The following TNKS2 variants were observed in gnomAD, a reference collection of about 807,000 sequenced individuals.
The protein encoded by TNKS2 is tankyrase 2, also known as poly [ADP-ribose] polymerase tankyrase-2.
TNKS2 carries 72 observed loss-of-function variants against 137.6 expected under a neutral mutation model. The observed-to-expected ratio is 0.52, with a 90% CI of 0.43 to 0.64. The LOEUF (loss-of-function observed/expected upper bound fraction) is 0.64, where lower values mean the gene tolerates loss of function less well. TNKS2 is among the 30% of genes least tolerant of loss of function. The pLI is 0.00. For missense variants in TNKS2, 1,049 were observed against 1,410.2 expected (o/e 0.74, Z 4.10); for synonymous variants, 516 against 512.1 (o/e 1.01, Z -0.10).
intron 1 of TNKS2, among the ~76,000 whole-genome samples, chr10:91,804,603 C>T (rs1844267423): frequency 6.6e-6 from 1 of 152,170 alleles, no homozygotes; most frequent in South Asian, 2.1e-4. Flanking sequence ...TCATGTTCTA[C>T]CTGGCCAGTG....
chr10:91,836,034 A>ATT (rs777452772), intron 12 of TNKS2, among the ~76,000 whole-genome samples: 1,128 of 53,528 alleles, frequency 0.021, 188 homozygotes, highest in African/African-American at 0.082. Context: ...TGTGTGTGTA[A>ATT]TTTTTTTTTT....
At chr10:91,840,365 G>A (rs1395347348) in intron 13 of TNKS2, among the ~76,000 whole-genome samples, 196 bp from the exon 14 acceptor site, 2 of 151,918 alleles carry the variant, frequency 1.3e-5, no homozygotes, top group Non-Finnish European at 2.9e-5. Flanking sequence ...CAAAAAAAAA[G>A]GGCATGGATG....
At chr10:91,829,476 G>C (rs1420036940) in intron 9 of TNKS2, among the ~76,000 whole-genome samples, 1 of 152,098 alleles carries the variant, frequency 6.6e-6, no homozygotes, top group African/African-American at 2.4e-5. Flanking sequence ...GAGTAGTTAT[G>C]GTGCAGTAGC....
At chr10:91,860,492 T>G (rs1842824458) in intron 25 of TNKS2, among the ~76,000 whole-genome samples, 1 of 152,186 alleles carries the variant, frequency 6.6e-6, no homozygotes, top group Non-Finnish European at 1.5e-5. Context: ...GATGTGACAC[T>G]GTATTTCTGA....
In TNKS2 at chr10:91,855,146, A is replaced by G. The variant is rs183725287; in HGVS notation, c.2913+20A>G. The G allele has an allele frequency of 3.1e-5, 44 of 1,433,114 alleles. No individual in the cohort carries two copies. The highest frequency in any genetic ancestry group is 9.1e-5 in the East Asian group (4 of 43,958). 88.8% of individuals were successfully genotyped at this position (1,433,114 alleles called of 1,614,324 possible). On this transcript the variant is annotated intron_variant, in intron 22 of 26. Transcript: ENST00000371627. ...GAAGAGGTATGTTCATATAACTTCAATAGTAGGTTTGCCGTATATATTTAG... is the reference window on the plus strand; with the variant it reads ...GAAGAGGTATGTTCATATAACTTCAGTAGTAGGTTTGCCGTATATATTTAG...
chr10:91,852,953 A>C (rs1269445826), intron 21 of TNKS2, among the ~76,000 whole-genome samples: 2 of 152,240 alleles, frequency 1.3e-5, no homozygotes, highest in African/African-American at 2.4e-5. Flanking sequence ...AATTTTTGTA[A>C]GATAAAGAGG....
rs760450542 is a variant in TNKS2 at position 91,831,099 on chromosome 10, T to G, written c.1197-4T>G. On this transcript the variant is annotated splice_polypyrimidine_tract_variant and splice_region_variant and intron_variant, in intron 10 of 26. Transcript: ENST00000371627. ...CACTGTCTGGCTGATTTTTTCTCTC[T>G]AAGATTCTTGACTCCTCTGCACGTG... The G allele has an allele frequency of 6.2e-7, 1 of 1,613,842 alleles. No homozygotes were observed. The highest frequency in any genetic ancestry group is 1.3e-5 in the African/African-American group (1 of 74,916).
intron 5 of TNKS2, 71 bp from the exon 6 acceptor site, chr10:91,819,868 G>T (rs919385414): frequency 3.7e-5 from 47 of 1,275,682 alleles, no homozygotes; most frequent in Non-Finnish European, 4.9e-5. Flanking sequence ...TTATATTTGG[G>T]TTTTTTCCCT....
At position 91,840,657 on chromosome 10, in the gene TNKS2, G is replaced by C. The variant is rs143595087; in HGVS notation, c.1624G>C (p.Val542Leu). The change falls in exon 14 of 27, where the codon GTG becomes CTG. Residue 542 changes from valine (V) to leucine (L), a missense_variant. Physicochemically the swap from Val to Leu is conservative, Grantham distance 32. Transcript: ENST00000371627. ...AGCTGGGTATAACAGAGTGTCCGTG[G>C]TGGAATATCTGCTACAGCATGGAGC... is the stretch of plus-strand genomic sequence containing the variant. ...FAAGYNRVSV[V>L]EYLLQHGADV... 1 of 1,614,150 alleles carries C rather than the reference G, an allele frequency of 6.2e-7. No individual in the cohort carries two copies. The highest frequency in any genetic ancestry group is 2.2e-5 in the East Asian group (1 of 44,872).
intron 6 of TNKS2, among the ~76,000 whole-genome samples, chr10:91,821,598 A>G (rs1844894346): frequency 2.6e-5 from 4 of 152,320 alleles, no homozygotes; most frequent in South Asian, 4.1e-4. Flanking sequence ...ATAGAAGTCA[A>G]GATTTTAAAG....
intron 4 of TNKS2, 49 bp downstream of exon 4, chr10:91,819,355 TTTTTC>T: frequency 7.2e-7 from 1 of 1,394,778 alleles, no homozygotes; most frequent in Non-Finnish European, 9.5e-7. Flanking sequence ...CACCATTAAC[TTTTTC>T]TTTTTTTTTT....
intron 19 of TNKS2, 47 bp downstream of exon 19, chr10:91,848,682 G>A (rs745657376): frequency 1.6e-5 from 25 of 1,591,954 alleles, no homozygotes; most frequent in South Asian, 6.9e-5. Context: ...TTGTAGCCCC[G>A]TATTTGTCAT....
intron 15 of TNKS2, among the ~76,000 whole-genome samples, chr10:91,841,731 A>C (rs1005304238): frequency 1.3e-5 from 2 of 152,084 alleles, no homozygotes; most frequent in African/African-American, 4.8e-5. Flanking sequence ...ATCAAATATA[A>C]AAATATTTGA....
intron 11 of TNKS2, among the ~76,000 whole-genome samples, chr10:91,832,840 A>G (rs1312357099): frequency 6.6e-6 from 1 of 152,148 alleles, no homozygotes; most frequent in Non-Finnish European, 1.5e-5. Context: ...AGATATAACC[A>G]AGTAGAAAGA....
chr10:91,802,373 G>T (rs1187230381), intron 1 of TNKS2, among the ~76,000 whole-genome samples: 1 of 152,226 alleles, frequency 6.6e-6, no homozygotes, highest in Non-Finnish European at 1.5e-5. Context: ...CACAAAGAGT[G>T]AGTGGATATT....
At chr10:91,817,698 G>A (rs1051338243) in intron 3 of TNKS2, among the ~76,000 whole-genome samples, 7 of 151,934 alleles carry the variant, frequency 4.6e-5, no homozygotes, top group South Asian at 2.1e-4. Flanking sequence ...TGGCCATTCC[G>A]TTAACTTTTC....
chr10:91,845,865 T>C lies in TNKS2; in HGVS notation c.2283T>C (p.Cys761=). Residue 761 remains cysteine, a synonymous_variant, in exon 18 of 27, where the codon TGT becomes TGC. Transcript: ENST00000371627. The part of the protein sequence containing the change: ...EAAQKGRTQL[C]ALLLAHGADP... ...CCCAAAAGGGACGAACACAGCTTTG[T>C]GCTTTGTTGCTAGCCCATGGAGCTG... 1 of 1,609,858 alleles carries C rather than the reference T, an allele frequency of 6.2e-7. No individual in the cohort carries two copies. The highest frequency in any genetic ancestry group is 8.5e-7 in the Non-Finnish European group (1 of 1,176,772).
rs1023704581 is a variant in TNKS2, at chr10:91,813,094, C to A, written c.311C>A (p.Ala104Asp). ...PLHNACSFGHAEVVNLLLRHG... is the reference protein window; with the variant it reads ...PLHNACSFGHDEVVNLLLRHG... ...CATAATGCATGCTCTTTTGGTCATG[C>A]TGAAGTAGTCAATCTCCTTTTGCGA... The change falls in exon 2 of 27, where the codon GCT becomes GAT. Residue 104 changes from alanine (A) to aspartate (D), a missense_variant. Coordinates refer to ENST00000371627, the MANE Select transcript of TNKS2 (RefSeq NM_025235.4). 1 of 1,613,994 alleles carries A rather than the reference C, an allele frequency of 6.2e-7. No homozygotes were observed. Among genetic ancestry groups the A allele is most frequent in the African/African-American group, 1.3e-5 (1 of 74,894 alleles).
chr10:91,814,990 ATTATAGGG>A (rs939961200), intron 2 of TNKS2, among the ~76,000 whole-genome samples: 3 of 152,234 alleles, frequency 2.0e-5, no homozygotes, highest in African/African-American at 7.2e-5. Context: ...ATGCTACTGA[ATTATAGGG>A]TTATAGGAGA....
Sources: gnomAD v4.1 joint callset for allele counts (sites outside exome capture counted in the v4.1 genomes callset) on GRCh38, gnomAD v4.1.1 for gene constraint, MANE v1.5 for transcripts, NCBI Gene and HGNC (gene_info 2026-07-23, HGNC 2026-07-21) for gene names.